The following USP24 variants were observed in gnomAD, a reference collection of about 807,000 sequenced individuals.
USP24 encodes ubiquitin carboxyl-terminal hydrolase 24.
USP24 carries 97 observed loss-of-function variants against 361.6 expected under a neutral mutation model. The observed-to-expected ratio is 0.27, with a 90% CI of 0.23 to 0.32. The LOEUF is 0.32. Ranked by LOEUF, USP24 falls within the 10% of genes least tolerant of loss-of-function variation. USP24 has a pLI of 1.00. For missense variants in USP24, 2,353 were observed against 3,165.6 expected (o/e 0.74, Z 6.16); for synonymous variants, 1,098 against 1,124.6 (o/e 0.98, Z 0.47).
At chr1:55,079,796 G>GTACTCTCACAGAGTACTCACACAGAA in intron 59 of USP24, 137 bp from the exon 60 acceptor site, 1 of 1,169,814 alleles carries the variant, frequency 8.5e-7, no homozygotes. Context: ...CACACACTGA[G>GTACTCTCACAGAGTACTCACACAGAA]TACTCACACA....
At chr1:55,094,139 A>C in intron 51 of USP24, 52 bp from the exon 52 acceptor site, 6 of 1,546,420 alleles carry the variant, frequency 3.9e-6, no homozygotes, top group Non-Finnish European at 5.2e-6. Context: ...CTATTTTTTC[A>C]GTAGTTACTA....
intron 57 of USP24, 97 bp from the exon 58 acceptor site, chr1:55,083,461 T>C (rs1645191323): frequency 9.5e-6 from 11 of 1,158,884 alleles, no homozygotes; most frequent in South Asian, 3.0e-5. Flanking sequence ...GGAGTCAATA[T>C]ATTTTTTAAG....
chr1:55,157,398 G>T, intron 10 of USP24, 28 bp from the exon 11 acceptor site: 1 of 1,249,646 alleles, frequency 8.0e-7, no homozygotes, highest in Non-Finnish European at 1.1e-6. Context: ...TTGTGACTGA[G>T]TCTAATATAC....
intron 1 of USP24, among the ~76,000 whole-genome samples, chr1:55,182,345 G>A (rs886488435): frequency 1.3e-5 from 2 of 152,102 alleles, no homozygotes; most frequent in Admixed American, 6.5e-5. Context: ...GAGCCATTGC[G>A]CCCGGCCTCT....
Position 55,142,326 on chromosome 1 carries a change from C to T in USP24, c.2634+416G>A, listed in dbSNP as rs756617269. 4.6e-5 allele frequency among the ~76,000 whole-genome samples: 7 copies of T among 152,224 alleles called. No homozygotes were observed. The South Asian group carries it at 1.2e-3, about 27-fold the overall frequency. Reference sequence around the variant, plus strand: ...ATACCACCTACTACTAACTGTCTTGCTGTGGCCTTTAATAACATTTATGGT... The same window carrying T: ...ATACCACCTACTACTAACTGTCTTGTTGTGGCCTTTAATAACATTTATGGT... On this transcript the variant is annotated intron_variant, in intron 23 of 67. Coordinates refer to ENST00000294383, the MANE Select transcript of USP24 (RefSeq NM_015306.3).
At chr1:55,168,635 C>T (rs1570597350) in intron 5 of USP24, among the ~76,000 whole-genome samples, 1 of 152,210 alleles carries the variant, frequency 6.6e-6, no homozygotes, top group East Asian at 1.9e-4. Flanking sequence ...TAAAGGGCTA[C>T]ATCCTTGGTG....
At chr1:55,128,073 T>C (rs1384948060) in intron 32 of USP24, among the ~76,000 whole-genome samples, 1 of 152,206 alleles carries the variant, frequency 6.6e-6, no homozygotes, top group African/African-American at 2.4e-5. Context: ...ACAAACAAAC[T>C]TATTTCTCTT....
At chr1:55,171,123 G>T (rs114614017) in intron 5 of USP24, among the ~76,000 whole-genome samples, 384 of 152,178 alleles carry the variant, frequency 2.5e-3, no homozygotes, top group African/African-American at 8.8e-3. Flanking sequence ...AAAATATACT[G>T]GTTCCAGGCC....
At position 55,141,640 on chromosome 1, in the gene USP24, G is replaced by A. The variant is rs1442791512; in HGVS notation, c.2726C>T (p.Ala909Val). 1 of 1,611,866 alleles carries A rather than the reference G, an allele frequency of 6.2e-7. No individual in the cohort carries two copies. Among genetic ancestry groups the A allele is most frequent in the African/African-American group, 1.3e-5 (1 of 74,888 alleles). Reference protein sequence around the residue: ...MLTATAMPTVATSVQSPYRST... With the variant: ...MLTATAMPTVVTSVQSPYRST... ...CCTATAAGGAGACTGAACTGAGGTTGCTACAGTTGGCATGGCAGTTGCTGT... is the reference window on the plus strand; with the variant it reads ...CCTATAAGGAGACTGAACTGAGGTTACTACAGTTGGCATGGCAGTTGCTGT... Residue 909 changes from alanine to valine, a missense_variant, in exon 24 of 68, where the codon GCA (alanine) becomes GTA (valine). Coordinates refer to ENST00000294383, the MANE Select transcript of USP24 (RefSeq NM_015306.3).
intron 3 of USP24, among the ~76,000 whole-genome samples, chr1:55,175,696 G>C (rs1649914048): frequency 1.3e-5 from 2 of 152,110 alleles, no homozygotes; most frequent in South Asian, 4.1e-4. Flanking sequence ...TTATATGCTG[G>C]GGGAAAGGGC....
chr1:55,204,131 A>G (rs1644645423), intron 1 of USP24, among the ~76,000 whole-genome samples: 2 of 152,170 alleles, frequency 1.3e-5, no homozygotes, highest in South Asian at 4.1e-4. Context: ...AGCAATCCTC[A>G]TGTTATTGAT....
At chr1:55,144,340 G>A in intron 20 of USP24, 137 bp from the exon 21 acceptor site, 1 of 479,906 alleles carries the variant, frequency 2.1e-6, no homozygotes, top group African/African-American at 2.0e-5. Flanking sequence ...CAAAGCAGAA[G>A]CAACAAAAGA....
chr1:55,129,752 T>A (rs1336934061), intron 31 of USP24, among the ~76,000 whole-genome samples, 178 bp from the exon 32 acceptor site: 1 of 152,234 alleles, frequency 6.6e-6, no homozygotes, highest in African/African-American at 2.4e-5. Flanking sequence ...TTTTCCCTAT[T>A]CTATTTACTT....
Position 55,100,854 on chromosome 1 carries a change from A to C in USP24, c.5256T>G (p.Pro1752=), listed in dbSNP as rs1211901933. The C allele has an allele frequency of 1.2e-6, 2 of 1,606,082 alleles. No individual in the cohort carries two copies. The change falls in exon 44 of 68, where the codon CCT becomes CCG. Residue 1752 remains proline (P), a synonymous_variant. Transcript: ENST00000294383. ...GGTGAAATACCTTCCAAAAATTCTC[A>C]GGTACATAGTACTGCAGCTTGCTTT... is the stretch of plus-strand genomic sequence containing the variant. ...LMESKLQYYV[P]ENFWKIFKMW...
chr1:55,147,900 A>G, intron 17 of USP24, 102 bp from the exon 18 acceptor site: 2 of 1,194,338 alleles, frequency 1.7e-6, no homozygotes, highest in Non-Finnish European at 1.1e-6. Context: ...AGATGAGACA[A>G]AGCAAACATA....
At chr1:55,142,948 A>T (rs1470575475) in intron 22 of USP24, 31 bp downstream of exon 22, 2 of 1,472,752 alleles carry the variant, frequency 1.4e-6, no homozygotes, top group African/African-American at 2.9e-5. Flanking sequence ...GCTTTTTTGT[A>T]TATGGATAAC....
At chr1:55,177,905 G>GT in intron 2 of USP24, 62 bp downstream of exon 2, 1 of 1,470,750 alleles carries the variant, frequency 6.8e-7, no homozygotes, top group Non-Finnish European at 9.2e-7. Context: ...CAAAGGCTAA[G>GT]ATTAAACTCA....
chr1:55,126,222 G>A (rs1008284650), intron 32 of USP24, among the ~76,000 whole-genome samples: 8 of 152,194 alleles, frequency 5.3e-5, no homozygotes, highest in African/African-American at 1.9e-4. Flanking sequence ...AACCACACTG[G>A]CCTCCTGTGG....
chr1:55,140,917 G>A (rs1198231228), intron 24 of USP24, among the ~76,000 whole-genome samples: 1 of 152,122 alleles, frequency 6.6e-6, no homozygotes, highest in Non-Finnish European at 1.5e-5. Context: ...TGAGTTTAGT[G>A]AAATCTGTTA....
Sources: allele counts gnomAD v4.1 joint callset (sites outside exome capture counted in the v4.1 genomes callset), GRCh38; gene constraint gnomAD v4.1.1; transcripts MANE v1.5; gene names NCBI Gene and HGNC (gene_info 2026-07-23, HGNC 2026-07-21).